DCAF8L2: variants seen among roughly 807,000 people sequenced by gnomAD.
DCAF8L2 encodes DDB1 and CUL4 associated factor 8 like 2.
For synonymous variants in DCAF8L2, 200 were observed against 190.9 expected (o/e 1.05, Z -0.39); for missense variants, 430 against 490.7 (o/e 0.88, Z 1.17).
chrX:27,515,405 C>G, the DCAF8L2 span, among the ~76,000 whole-genome samples: 4 of 111,662 alleles, frequency 3.6e-5, no homozygotes, highest in African/African-American at 1.3e-4. Flanking sequence ...ATTAGCCAGG[C>G]GTGGTGGTGC....
At chrX:27,606,504 G>C (rs1426799908) in intron 1 of DCAF8L2, among the ~76,000 whole-genome samples, 2 of 102,566 alleles carry the variant, frequency 1.9e-5, no homozygotes, top group Non-Finnish European at 3.9e-5. Flanking sequence ...CCGAGTAGCT[G>C]GGATTACAGG....
At chrX:27,717,014 G>A (rs1931723343) in intron 4 of DCAF8L2, among the ~76,000 whole-genome samples, 3 of 111,958 alleles carry the variant, frequency 2.7e-5, no homozygotes, top group Admixed American at 9.5e-5. Flanking sequence ...TTAGTTTGCT[G>A]AGGATAATGG....
the DCAF8L2 span, among the ~76,000 whole-genome samples, chrX:27,520,967 A>T: frequency 8.9e-6 from 1 of 111,968 alleles, no homozygotes; most frequent in East Asian, 2.8e-4. Context: ...TTATTTCCAT[A>T]TGAATATTTT....
At chrX:27,639,147 T>C (rs1340635084) in intron 2 of DCAF8L2, among the ~76,000 whole-genome samples, 1 of 112,133 alleles carries the variant, frequency 8.9e-6, no homozygotes, top group Non-Finnish European at 1.9e-5. Context: ...ACAACATGGA[T>C]GGAACTGAAG....
chrX:27,673,604 C>T (rs114572245), intron 2 of DCAF8L2, among the ~76,000 whole-genome samples: 2,014 of 105,281 alleles, frequency 0.019, 40 homozygotes, highest in African/African-American at 0.065. Context: ...ATATGTAGAA[C>T]ACTTTTTGAG....
At chrX:27,514,708 A>C in the DCAF8L2 span, among the ~76,000 whole-genome samples, 10,545 of 86,493 alleles carry the variant, frequency 0.12, 1,318 homozygotes, top group African/African-American at 0.24. Context: ...AAAAAAAAAA[A>C]CAGAGTGAAA....
chrX:27,517,747 T>A, the DCAF8L2 span: 1 of 1,118,262 alleles, frequency 8.9e-7, no homozygotes, highest in Non-Finnish European at 1.2e-6. Context: ...GCAGAACATA[T>A]ATGCAAAATA....
intron 2 of DCAF8L2, among the ~76,000 whole-genome samples, chrX:27,663,819 T>G (rs66618371): frequency 0.15 from 15,514 of 106,148 alleles, 1,478 homozygotes; most frequent in East Asian, 0.36. Context: ...TGTCTCAGCC[T>G]CCCGAGTAGC....
At chrX:27,591,484 T>A (rs1926090120) in intron 1 of DCAF8L2, among the ~76,000 whole-genome samples, 1 of 111,346 alleles carries the variant, frequency 9.0e-6, no homozygotes, top group African/African-American at 3.3e-5. Flanking sequence ...CTTCTCCCCC[T>A]TCCCTCTACC....
chrX:27,695,907 A>T (rs1313824792), intron 3 of DCAF8L2, among the ~76,000 whole-genome samples: 1 of 110,858 alleles, frequency 9.0e-6, no homozygotes, highest in Non-Finnish European at 1.9e-5. Flanking sequence ...CAAAAATTTA[A>T]ATGGGGCTAG....
At chrX:27,476,366 T>C in the DCAF8L2 span, among the ~76,000 whole-genome samples, 1 of 111,132 alleles carries the variant, frequency 9.0e-6, no homozygotes, top group African/African-American at 3.3e-5. Context: ...ATTCAAGAAA[T>C]ATATAAAGGT....
chrX:27,573,942 G>C, the DCAF8L2 span, among the ~76,000 whole-genome samples: 4 of 109,890 alleles, frequency 3.6e-5, no homozygotes, highest in Admixed American at 3.9e-4. Flanking sequence ...TAATCTTCCT[G>C]ACTCAGCCTC....
chrX:27,484,065 T>A, the DCAF8L2 span, among the ~76,000 whole-genome samples: 12 of 111,753 alleles, frequency 1.1e-4, no homozygotes, highest in Admixed American at 5.8e-4. Flanking sequence ...AAAATTGTTT[T>A]TTGATAACGG....
rs1025255416 is a variant in DCAF8L2, at chrX:27,693,953, T to G, written c.-143+16041T>G. On this transcript the variant is annotated intron_variant, in intron 3 of 4. Transcript: ENST00000451261. Reference sequence around the variant, plus strand: ...TATTCACAATAGCAAAGACATGGAATCAACCTAGATGCCCATCAATGGTGG... The same window carrying G: ...TATTCACAATAGCAAAGACATGGAAGCAACCTAGATGCCCATCAATGGTGG... Among the ~76,000 whole-genome samples, 5 of 111,766 alleles carry G rather than the reference T, an allele frequency of 4.5e-5. No homozygotes were observed. The Admixed American group carries it at 4.8e-4, about 11-fold the overall frequency.
chrX:27,564,887 T>C, the DCAF8L2 span, among the ~76,000 whole-genome samples: 9 of 109,543 alleles, frequency 8.2e-5, no homozygotes, highest in Non-Finnish European at 1.5e-4. Flanking sequence ...GGTGTCCCTA[T>C]GTGCTGGTCC....
chrX:27,688,358 A>C (rs181335794), intron 3 of DCAF8L2, among the ~76,000 whole-genome samples: 1 of 112,100 alleles, frequency 8.9e-6, no homozygotes, highest in East Asian at 2.8e-4. Context: ...TAAGCAAGTC[A>C]AGGGAAATGT....
intron 3 of DCAF8L2, among the ~76,000 whole-genome samples, chrX:27,708,666 T>C (rs1353384807): frequency 8.9e-6 from 1 of 112,499 alleles, no homozygotes; most frequent in East Asian, 2.8e-4. Flanking sequence ...CTACATAGAC[T>C]GATATTTAGT....
the DCAF8L2 span, among the ~76,000 whole-genome samples, chrX:27,533,200 A>G: frequency 0.087 from 2,662 of 30,495 alleles, 159 homozygotes; most frequent in Non-Finnish European, 0.15. Flanking sequence ...GAAAGAAAGA[A>G]AGAAAGAAAG....
At chrX:27,682,550 T>G (rs1930363120) in intron 3 of DCAF8L2, among the ~76,000 whole-genome samples, 1 of 111,370 alleles carries the variant, frequency 9.0e-6, no homozygotes, top group South Asian at 3.8e-4. Flanking sequence ...ATTTAATGAG[T>G]AAACACCTTA....
Sources: allele counts gnomAD v4.1 joint callset (sites outside exome capture counted in the v4.1 genomes callset), GRCh38; gene constraint gnomAD v4.1.1; transcripts MANE v1.5; gene names NCBI Gene and HGNC (gene_info 2026-07-23, HGNC 2026-07-21).